The following EEF1G variants were observed in gnomAD, a reference collection of about 807,000 sequenced individuals.
The protein encoded by EEF1G is elongation factor 1-gamma.
EEF1G carries 14 observed loss-of-function variants against 58.3 expected under a neutral mutation model. The observed-to-expected ratio is 0.24, with a 90% confidence interval of 0.16 to 0.38. EEF1G has a LOEUF of 0.38. Among genes scored for constraint, EEF1G ranks in the 10% least tolerant of loss-of-function variants. EEF1G has a pLI of 1.00. For missense variants in EEF1G, 322 were observed against 550.1 expected, an observed-to-expected ratio of 0.59 and a Z score of 4.15; for synonymous variants, 180 against 206.8, an observed-to-expected ratio of 0.87 and a Z score of 1.11.
chr11:62,571,934 A>T, intron 2 of EEF1G, 33 bp from the exon 3 acceptor site: 3 of 1,553,006 alleles, frequency 1.9e-6, no homozygotes, highest in Admixed American at 1.9e-5. Flanking sequence ...ATAAGGTAAA[A>T]CACACAAAAT....
At chr11:62,569,726 T>A (rs1217555745) in intron 5 of EEF1G, among the ~76,000 whole-genome samples, 2 of 152,210 alleles carry the variant, frequency 1.3e-5, no homozygotes, top group African/African-American at 4.8e-5. Context: ...TGGGTTCAAA[T>A]TCTACTCTAC....
intron 1 of EEF1G, 171 bp from the exon 2 acceptor site, chr11:62,572,913 A>T: frequency 1.8e-6 from 1 of 564,750 alleles, no homozygotes; most frequent in Non-Finnish European, 3.0e-6. Flanking sequence ...ATCCTCCGAA[A>T]TACCAAGAAC....
chr11:62,567,116 A>G (rs1299755609), intron 6 of EEF1G, 106 bp from the exon 7 acceptor site: 2 of 1,260,936 alleles, frequency 1.6e-6, no homozygotes, highest in South Asian at 2.7e-5. Flanking sequence ...GACGAATGGG[A>G]CAAGTAAGGA....
intron 5 of EEF1G, among the ~76,000 whole-genome samples, chr11:62,567,899 T>C (rs960288430): frequency 1.3e-5 from 2 of 151,674 alleles, no homozygotes; most frequent in Non-Finnish European, 2.9e-5. Context: ...TTTGTACTTT[T>C]AGTAGAGATG....
chr11:62,565,307 G>A (rs911071813), intron 7 of EEF1G, among the ~76,000 whole-genome samples: 2 of 151,784 alleles, frequency 1.3e-5, no homozygotes, highest in East Asian at 1.9e-4. Context: ...GATCGCTTGA[G>A]TACAGGAGGT....
chr11:62,561,333 C>T (rs1432340621), intron 7 of EEF1G, among the ~76,000 whole-genome samples: 6 of 151,482 alleles, frequency 4.0e-5, no homozygotes, highest in African/African-American at 1.5e-4. Context: ...GAGCAGAGAT[C>T]GCGCCACTGC....
chr11:62,570,063 C>CT lies in EEF1G; in HGVS notation c.522+901dup, dbSNP rs1174196694. ...TCTGTCTCCAAAAGAGCTTAAAGAG[C>CT]TTTTTTTTTTTTTTTGAGATGGAGT... On this transcript the variant is annotated intron_variant, in intron 5 of 9. Coordinates refer to ENST00000329251, the MANE Select transcript of EEF1G (RefSeq NM_001404.5). 2.6e-3 allele frequency among the ~76,000 whole-genome samples: 371 copies of CT among 141,906 alleles called. 1 individual carries two copies. The highest frequency in any genetic ancestry group is 6.5e-3 in the East Asian group (32 of 4,930). 93.1% of individuals were successfully genotyped at this position (141,906 alleles called of 152,430 possible). A position where few individuals can be genotyped will look rare whatever the true frequency, so the allele number is the denominator to read the frequency against.
chr11:62,567,387 C>A lies in EEF1G; in HGVS notation c.652+12G>T. ...ATCCTGGCCATATGCCTCCCAGTCT[C>A]CTCAGACTCACCATCAAACTGGGCC... On this transcript the variant is annotated intron_variant, in intron 6 of 9. Coordinates refer to ENST00000329251, the MANE Select transcript of EEF1G (RefSeq NM_001404.5). 1 of 1,607,946 alleles carries A rather than the reference C, an allele frequency of 6.2e-7. No homozygotes were observed. The highest frequency in any genetic ancestry group is 1.1e-5 in the South Asian group (1 of 89,912).
Position 62,571,870 on chromosome 11 carries a change from C to G in EEF1G, c.203G>C (p.Cys68Ser). The G allele has an allele frequency of 1.3e-6, 2 of 1,587,352 alleles. No individual in the cohort carries two copies. Among genetic ancestry groups the G allele is most frequent in the Non-Finnish European group, 1.7e-6 (2 of 1,166,662 alleles). ...GGCAATGGCGTTGCTCTCAAACACA[C>G]AGAATCCATCATCACCCTCAAATGC... is the stretch of plus-strand genomic sequence containing the variant. ...VPAFEGDDGF[C>S]VFESNAIAYY... is the part of the protein sequence containing the mutation. Residue 68 changes from cysteine to serine, a missense_variant, in exon 3 of 10, where the codon TGT becomes TCT. Around this residue, in one of 3 missense-constraint regions of EEF1G, gnomAD observed 52 missense variants for 139.4 expected, o/e 0.37. Coordinates refer to ENST00000329251, the MANE Select transcript of EEF1G (RefSeq NM_001404.5).
Position 62,571,639 on chromosome 11 carries a change from G to C in EEF1G, c.279C>G (p.Ala93=). 6.3e-7 allele frequency: 1 copy of C among 1,586,948 alleles called. No homozygotes were observed. The highest frequency in any genetic ancestry group is 1.2e-5 in the South Asian group (1 of 86,760). The part of the protein sequence containing the change: ...ELRGSTPEAA[A]QVVQWVSFAD... The stretch of plus-strand genomic sequence containing the variant: ...CAAAGCTCACCCACTGCACCACCTG[G>C]GCTGCTGCCTCTGGAGTACTTCCCC... The change falls in exon 4 of 10, where the codon GCC becomes GCG. Residue 93 remains alanine, a synonymous_variant. Coordinates refer to ENST00000329251, the MANE Select transcript of EEF1G (RefSeq NM_001404.5).
chr11:62,567,927 C>CCAGG (rs1941576037), intron 5 of EEF1G, among the ~76,000 whole-genome samples: 1 of 150,998 alleles, frequency 6.6e-6, no homozygotes, highest in Non-Finnish European at 1.5e-5. Context: ...GCCCTGTTGG[C>CCAGG]CAGGCTGTTC....
chr11:62,563,046 G>T (rs1941516576), intron 7 of EEF1G, among the ~76,000 whole-genome samples: 1 of 151,164 alleles, frequency 6.6e-6, no homozygotes, highest in Non-Finnish European at 1.5e-5. Context: ...GGAGGCAGAG[G>T]TTGCAGTGAG....
chr11:62,572,258 T>C (rs2134297451), intron 2 of EEF1G, among the ~76,000 whole-genome samples: 1 of 152,302 alleles, frequency 6.6e-6, no homozygotes, highest in East Asian at 1.9e-4. Context: ...ATTCTTAGCA[T>C]GTTTCTTCAC....
At position 62,573,659 on chromosome 11, in the gene EEF1G, G is replaced by C. The variant is rs1941665281; in HGVS notation, c.12+172C>G. 3 of 919,864 alleles carry C rather than the reference G, an allele frequency of 3.3e-6. No individual in the cohort carries two copies. In the Admixed American group the frequency reaches 6.7e-5, roughly 21 times the overall value. The allele number at this position is 919,864 out of a possible 1,614,324, so 57.0% of individuals were successfully genotyped here. ...CCACCTCTGGCCTCCGAGAGCCCCA[G>C]CCTCAGTTCCCCTCCAGGCCCTAGG... On this transcript the variant is annotated intron_variant, in intron 1 of 9. Coordinates refer to ENST00000329251, the MANE Select transcript of EEF1G (RefSeq NM_001404.5).
At chr11:62,562,146 T>C (rs572663749) in intron 7 of EEF1G, among the ~76,000 whole-genome samples, 2 of 152,360 alleles carry the variant, frequency 1.3e-5, no homozygotes, top group Admixed American at 1.3e-4. Flanking sequence ...TCTTTTAAAT[T>C]GTTTATCTCT....
intron 7 of EEF1G, among the ~76,000 whole-genome samples, chr11:62,564,346 C>T (rs1352192665): frequency 2.6e-5 from 2 of 76,404 alleles, no homozygotes; most frequent in Non-Finnish European, 7.5e-5. Flanking sequence ...ACCTGCAATC[C>T]CCAGCTACTC....
intron 7 of EEF1G, among the ~76,000 whole-genome samples, chr11:62,562,492 G>GT (rs1054544247): frequency 8.6e-5 from 13 of 151,624 alleles, no homozygotes; most frequent in African/African-American, 2.7e-4. Context: ...TTTTTGTTTT[G>GT]TTTTTTTGAG....
intron 7 of EEF1G, among the ~76,000 whole-genome samples, chr11:62,561,672 A>C (rs201685045): frequency 1.5e-4 from 7 of 48,214 alleles, no homozygotes; most frequent in Non-Finnish European, 3.5e-4. Context: ...AAAAAAAAAC[A>C]AAAAAAAAAC....
intron 5 of EEF1G, among the ~76,000 whole-genome samples, chr11:62,568,181 T>A (rs1224731047): frequency 6.8e-6 from 1 of 147,728 alleles, no homozygotes; most frequent in Non-Finnish European, 1.5e-5. Flanking sequence ...TGAGCGGAGA[T>A]CGCGGCACTG....
Sources: allele counts gnomAD v4.1 joint callset (sites outside exome capture counted in the v4.1 genomes callset), GRCh38; gene constraint gnomAD v4.1.1; regional missense constraint gnomAD v4.1.1; transcripts MANE v1.5; gene names NCBI Gene and HGNC (gene_info 2026-07-23, HGNC 2026-07-21).